SEC14L6: variants seen among roughly 807,000 people sequenced by gnomAD.
SEC14L6 encodes the protein SEC14-like protein 6.
Under a neutral mutation model 54.1 loss-of-function variants are expected in SEC14L6, and 40 were observed. The ratio of observed to expected loss-of-function variants is 0.74; its 90% CI spans 0.57 to 0.96. The LOEUF is 0.96. Among genes scored for constraint, SEC14L6 ranks in the 40% least tolerant of loss-of-function variants. The probability of loss-of-function intolerance (pLI) is 0.00; values close to 1 mark genes in which losing one functional copy is unlikely to be tolerated. For missense variants in SEC14L6, 471 were observed against 498.3 expected, an observed-to-expected ratio of 0.95 and a Z score of 0.52; for synonymous variants, 171 against 198.4, an observed-to-expected ratio of 0.86 and a Z score of 1.16.
In SEC14L6 at chr22:30,525,405, G is replaced by A; in HGVS notation, c.1026C>T (p.Tyr342=). The part of the protein sequence containing the change: ...EMTEVLPSQR[Y]NAHMVPEDGI... ...CATCTTCAGGCACCATGTGGGCATT[G>A]TAGCGCTGGCTGGGCAGCACCTCTG... The change falls in exon 11 of 12, where the codon TAC becomes TAT. Residue 342 remains tyrosine, a synonymous_variant. Coordinates refer to ENST00000402034, the MANE Select transcript of SEC14L6 (RefSeq NM_001193336.4). The A allele has an allele frequency of 6.2e-7, 1 of 1,614,178 alleles. No individual in the cohort carries two copies.
chr22:30,530,879 G>A (rs1389573210), intron 6 of SEC14L6, among the ~76,000 whole-genome samples: 3 of 152,194 alleles, frequency 2.0e-5, no homozygotes, highest in Non-Finnish European at 2.9e-5. Flanking sequence ...GGAAGGTCAG[G>A]GGCTGGAAGC....
chr22:30,533,598 CAAAA>C (rs11305814), intron 3 of SEC14L6, among the ~76,000 whole-genome samples: 2 of 144,722 alleles, frequency 1.4e-5, no homozygotes, highest in African/African-American at 2.5e-5. Context: ...AAGACTGTCT[CAAAA>C]AAAAAAAAAA....
At chr22:30,542,384 G>A (rs1268380992) in intron 1 of SEC14L6, among the ~76,000 whole-genome samples, 1 of 152,190 alleles carries the variant, frequency 6.6e-6, no homozygotes, top group Non-Finnish European at 1.5e-5. Flanking sequence ...CCGCGCGGCC[G>A]GAGTCCGGAG....
chr22:30,525,703 C>T lies in SEC14L6; in HGVS notation c.819G>A (p.Gln273=), dbSNP rs1203388097. Residue 273 remains glutamine (Q), a synonymous_variant, in exon 10 of 12, where the codon CAG becomes CAA. Transcript: ENST00000402034. ...EVPKSYYLCK[Q]VRLQYEHTRS... is the part of the protein sequence containing the mutation. Reference sequence around the variant, plus strand: ...TCGTGTGCTCATACTGCAGCCTCACCTGCTTGCACAGGTAGTAGCTCTTGG... The same window carrying T: ...TCGTGTGCTCATACTGCAGCCTCACTTGCTTGCACAGGTAGTAGCTCTTGG... The T allele has an allele frequency of 1.2e-6, 2 of 1,613,772 alleles. No homozygotes were observed. Among genetic ancestry groups the T allele is most frequent in the Admixed American group, 1.7e-5 (1 of 59,940 alleles).
At position 30,546,650 on chromosome 22, in the gene SEC14L6, C is replaced by A. The variant is rs1391845008; in HGVS notation, c.33G>T (p.Ser11=). MSGQVGDLSP[S]QEKSLAQFRE... ...TCACCTGGGCCAGCGACTTCTCCTG[C>A]GATGGGCTCAGGTCACCCACTTGTC... is the stretch of plus-strand genomic sequence containing the variant. Residue 11 remains serine (S), a synonymous_variant, in exon 1 of 12, where the codon TCG becomes TCT. Transcript: ENST00000402034. 1 of 1,550,378 alleles carries A rather than the reference C, an allele frequency of 6.5e-7. No homozygotes were observed. The highest frequency in any genetic ancestry group is 8.7e-7 in the Non-Finnish European group (1 of 1,146,962).
Position 30,524,983 on chromosome 22 carries a change from A to G in SEC14L6, c.*14T>C, listed in dbSNP as rs1460975906. 7.7e-7 allele frequency: 1 copy of G among 1,298,668 alleles called. No individual in the cohort carries two copies. Among genetic ancestry groups the G allele is most frequent in the Non-Finnish European group, 1.1e-6 (1 of 917,104 alleles). 80.4% of individuals were successfully genotyped at this position (1,298,668 alleles called of 1,614,324 possible). ...AGAGATCAAAGAGGAGGGTGTGGGG[A>G]CCATGAGGTTCACCTAGAATTTCTC... On this transcript the variant is annotated 3_prime_UTR_variant, in exon 12 of 12. Coordinates refer to ENST00000402034, the MANE Select transcript of SEC14L6 (RefSeq NM_001193336.4).
chr22:30,536,717 G>A (rs1452884546), intron 2 of SEC14L6, among the ~76,000 whole-genome samples: 2 of 152,110 alleles, frequency 1.3e-5, no homozygotes, highest in African/African-American at 2.4e-5. Flanking sequence ...AGGAGGGAAA[G>A]AGAAGAAAGA....
At chr22:30,535,660 C>G (rs1937118328) in intron 2 of SEC14L6, among the ~76,000 whole-genome samples, 1 of 152,152 alleles carries the variant, frequency 6.6e-6, no homozygotes, top group South Asian at 2.1e-4. Context: ...AGAAATGGTA[C>G]TGAGCAAAGA....
Position 30,522,936 on chromosome 22 carries a change from A to C in SEC14L6, c.*2061T>G, listed in dbSNP as rs1401439668. 6.6e-6 allele frequency: 1 copy of C among 152,248 alleles called. No individual in the cohort carries two copies. The highest frequency in any genetic ancestry group is 1.5e-5 in the Non-Finnish European group (1 of 68,048). The allele number at this position is 152,248 out of a possible 1,614,324, so 9.4% of individuals were successfully genotyped here. On this transcript the variant is annotated 3_prime_UTR_variant, in exon 12 of 12. Coordinates refer to ENST00000402034, the MANE Select transcript of SEC14L6 (RefSeq NM_001193336.4). The stretch of plus-strand genomic sequence containing the variant: ...CAGCAACGAAAAGCAACTAAATATT[A>C]ACACATGCAACAAAGTGAATGAATC...
intron 1 of SEC14L6, among the ~76,000 whole-genome samples, chr22:30,541,202 TTTTA>T (rs934404627): frequency 3.2e-4 from 21 of 65,284 alleles, no homozygotes; most frequent in African/African-American, 9.9e-4. Context: ...TTAAAAAAAT[TTTTA>T]TTTATTTTTT....
intron 1 of SEC14L6, chr22:30,542,615 T>C (rs2085742786): frequency 6.5e-7 from 1 of 1,531,456 alleles, no homozygotes; most frequent in Admixed American, 2.0e-5. Context: ...GGGCCGCTGC[T>C]CTGCCTGCTG....
At chr22:30,545,074 C>T (rs1048862030) in intron 1 of SEC14L6, among the ~76,000 whole-genome samples, 4 of 152,116 alleles carry the variant, frequency 2.6e-5, no homozygotes, top group South Asian at 2.1e-4. Context: ...TCCAAGGACC[C>T]GTCGTTGCCT....
At chr22:30,540,162 C>A (rs983777148) in intron 1 of SEC14L6, among the ~76,000 whole-genome samples, 1 of 152,162 alleles carries the variant, frequency 6.6e-6, no homozygotes, top group East Asian at 1.9e-4. Flanking sequence ...TTGGGCTAAG[C>A]CTTAAATGAA....
At position 30,529,123 on chromosome 22, in the gene SEC14L6, T is replaced by C; in HGVS notation, c.628A>G (p.Ser210Gly). Residue 210 changes from serine to glycine, a missense_variant, in exon 8 of 12, where the codon AGT becomes GGT. Coordinates refer to ENST00000402034, the MANE Select transcript of SEC14L6 (RefSeq NM_001193336.4). The stretch of plus-strand genomic sequence containing the variant: ...ACCACCTTCCTGCGTGTCTCTTCAC[T>C]CATGTAAGACTTGACCAGGTTGAAG... ...VAFNLVKSYM[S>G]EETRRKVVIL... is the part of the protein sequence containing the mutation. 2 of 1,550,714 alleles carry C rather than the reference T, an allele frequency of 1.3e-6. No individual in the cohort carries two copies. The highest frequency in any genetic ancestry group is 1.7e-6 in the Non-Finnish European group (2 of 1,147,086).
At chr22:30,525,307 C>T (rs41282477) in intron 11 of SEC14L6, 43 bp downstream of exon 11, 132,300 of 1,597,546 alleles carry the variant, frequency 0.083, 5,992 homozygotes, top group Middle Eastern at 0.1. Flanking sequence ...CACCCTCCCC[C>T]TAGCCCCCAG....
At chr22:30,537,909 A>G (rs1232610477) in intron 2 of SEC14L6, among the ~76,000 whole-genome samples, 2 of 152,208 alleles carry the variant, frequency 1.3e-5, no homozygotes, top group African/African-American at 4.8e-5. Context: ...ATCTCATAAC[A>G]TGAAATGTTG....
intron 1 of SEC14L6, chr22:30,543,340 G>A: frequency 6.4e-7 from 1 of 1,571,378 alleles, no homozygotes; most frequent in East Asian, 2.2e-5. Flanking sequence ...CACCTTGGAG[G>A]TTACTCAACA....
chr22:30,528,188 T>G (rs1314658365), intron 8 of SEC14L6, among the ~76,000 whole-genome samples: 1 of 149,042 alleles, frequency 6.7e-6, no homozygotes, highest in Non-Finnish European at 1.5e-5. Flanking sequence ...ACTGGCGCGA[T>G]CTCAGCTCAC....
rs1009066359 is a variant in SEC14L6, at chr22:30,525,253, G to A, written c.1081+97C>T. On this transcript the variant is annotated intron_variant, in intron 11 of 11. Transcript: ENST00000402034. ...AGCCAGCCTCACACTGTGCCCACCA[G>A]AACCAAGGGCCCTCACCTGGTAGGA... is the stretch of plus-strand genomic sequence containing the variant. 4.9e-5 allele frequency: 72 copies of A among 1,461,758 alleles called. 1 individual carries two copies. Among genetic ancestry groups the A allele is most frequent in the South Asian group, 4.2e-4 (33 of 78,038 alleles). The allele number at this position is 1,461,758 out of a possible 1,614,324, so 90.5% of individuals were successfully genotyped here.
Sources: allele counts gnomAD v4.1 joint callset (sites outside exome capture counted in the v4.1 genomes callset), GRCh38; gene constraint gnomAD v4.1.1; transcripts MANE v1.5; gene names NCBI Gene and HGNC (gene_info 2026-07-23, HGNC 2026-07-21).